THNSL2: variants seen among roughly 807,000 people sequenced by gnomAD.
THNSL2 encodes the protein threonine synthase-like 2.
Under a neutral mutation model 40.0 loss-of-function variants are expected in THNSL2, and 34 were observed. The observed-to-expected ratio is 0.85, with a 90% confidence interval of 0.65 to 1.13. The LOEUF (loss-of-function observed/expected upper bound fraction) is 1.13, where lower values mean the gene tolerates loss of function less well. THNSL2 is among the 50% of genes most tolerant of loss of function. THNSL2 has a pLI of 0.00. For missense variants in THNSL2, 537 were observed against 608.8 expected, an observed-to-expected ratio of 0.88 and a Z score of 1.24; for synonymous variants, 241 against 247.5, an observed-to-expected ratio of 0.97 and a Z score of 0.25.
In THNSL2 at chr2:88,179,018, G is replaced by C. The variant is rs770026083; in HGVS notation, c.802+5G>C. 1.4e-5 allele frequency: 22 copies of C among 1,614,080 alleles called. 1 individual carries two copies. In the South Asian group the frequency reaches 2.4e-4, roughly 18 times the overall value. ...GGGCTGCCGGTAACCTTGCAGGTAAGGAATCCCCGGGGCACAAATGGGCTT... is the reference window on the plus strand; with the variant it reads ...GGGCTGCCGGTAACCTTGCAGGTAACGAATCCCCGGGGCACAAATGGGCTT... On this transcript the variant is annotated splice_donor_5th_base_variant and intron_variant, in intron 5 of 8. Coordinates refer to ENST00000674334, the MANE Select transcript of THNSL2 (RefSeq NM_018271.5).
chr2:88,175,390 A>G lies in THNSL2; in HGVS notation c.560A>G (p.His187Arg), dbSNP rs1039692373. The stretch of plus-strand genomic sequence containing the variant: ...ACAACGGTGCTGAAGCAGAACGTAC[A>G]TGTGTTTGGAGGTGTGTGCTGAGGC... ...QMTTVLKQNV[H>R]VFGVEGNSDE... is the part of the protein sequence containing the mutation. Residue 187 changes from histidine (H) to arginine (R), a missense_variant, in exon 4 of 9, where the codon CAT becomes CGT. Transcript: ENST00000674334. 1.9e-6 allele frequency: 3 copies of G among 1,614,136 alleles called. No individual in the cohort carries two copies. The highest frequency in any genetic ancestry group is 2.5e-6 in the Non-Finnish European group (3 of 1,180,024).
chr2:88,182,950 G>A lies in THNSL2; in HGVS notation c.954G>A (p.Val318=), dbSNP rs1421063738. Residue 318 remains valine, a splice_region_variant and synonymous_variant, in exon 7 of 9, where the codon GTG becomes GTA. Transcript: ENST00000674334. ...CCTGAAACTGACTTTCTGCTCAGGT[G>A]CCCTACAACATGGAGAGGGTGTTCT... is the stretch of plus-strand genomic sequence containing the variant. ...STLASAMDIQ[V]PYNMERVFWL... 2.5e-6 allele frequency: 4 copies of A among 1,614,036 alleles called. No homozygotes were observed. The highest frequency in any genetic ancestry group is 1.3e-5 in the African/African-American group (1 of 74,912).
chr2:88,179,138 G>A, intron 5 of THNSL2, 125 bp downstream of exon 5: 1 of 990,436 alleles, frequency 1.0e-6, no homozygotes, highest in Non-Finnish European at 1.5e-6. Flanking sequence ...GAAGGTGATG[G>A]GAAACCCCAC....
intron 5 of THNSL2, 86 bp from the exon 6 acceptor site, chr2:88,182,613 T>G (rs1044503238): frequency 1.4e-5 from 19 of 1,398,698 alleles, no homozygotes; most frequent in Non-Finnish European, 1.8e-5. Flanking sequence ...CACAAAAGTT[T>G]CTTAATTTTG....
At chr2:88,173,633 A>G (rs970115734) in intron 2 of THNSL2, among the ~76,000 whole-genome samples, 2 of 151,976 alleles carry the variant, frequency 1.3e-5, no homozygotes, top group Admixed American at 1.3e-4. Context: ...TTTAAAAAAA[A>G]AAAAACAAAA....
chr2:88,180,414 A>G (rs1158764416), intron 5 of THNSL2, among the ~76,000 whole-genome samples: 1 of 152,198 alleles, frequency 6.6e-6, no homozygotes, highest in Non-Finnish European at 1.5e-5. Context: ...TCTACTAAAA[A>G]TACAAAAATT....
intron 1 of THNSL2, chr2:88,171,478 T>C: frequency 5.3e-6 from 2 of 376,586 alleles, no homozygotes; most frequent in Admixed American, 6.0e-5. Flanking sequence ...TCGCTGTACC[T>C]TACTGCCTTG....
At chr2:88,185,267 T>G in intron 7 of THNSL2, 61 bp from the exon 8 acceptor site, 1 of 1,536,070 alleles carries the variant, frequency 6.5e-7, no homozygotes, top group Non-Finnish European at 8.8e-7. Context: ...AGAGTGGGGT[T>G]TTGTCATCTT....
rs191344078 is a variant in THNSL2 at position 88,171,363 on chromosome 2, C to A, written c.-13+907C>A. 34 of 456,188 alleles carry A rather than the reference C, an allele frequency of 7.5e-5. No homozygotes were observed. In the Middle Eastern group the frequency reaches 1.0e-3, roughly 14 times the overall value. 28.3% of individuals were successfully genotyped at this position (456,188 alleles called of 1,614,324 possible). On this transcript the variant is annotated intron_variant, in intron 1 of 8. Coordinates refer to ENST00000674334, the MANE Select transcript of THNSL2 (RefSeq NM_018271.5). ...GACCTGCTCAGAGCCCCGTGCCAGC[C>A]CCTCTGTCCTCTGTTCCTGGACAGT...
Position 88,186,172 on chromosome 2 carries a change from C to A in THNSL2, c.*49C>A. On this transcript the variant is annotated 3_prime_UTR_variant, in exon 9 of 9. Coordinates refer to ENST00000674334, the MANE Select transcript of THNSL2 (RefSeq NM_018271.5). ...AGGCTTCAGATCCCAGGAAGATGCA[C>A]CTTCTGAGCTGCCTTGTGCACCCTC... The A allele has an allele frequency of 6.6e-7, 1 of 1,521,128 alleles. No individual in the cohort carries two copies. The highest frequency in any genetic ancestry group is 8.9e-7 in the Non-Finnish European group (1 of 1,119,728). 94.2% of individuals were successfully genotyped at this position (1,521,128 alleles called of 1,614,324 possible). A position where few individuals can be genotyped will look rare whatever the true frequency, so the allele number is the denominator to read the frequency against.
In THNSL2 at chr2:88,186,362, A is replaced by G. The variant is rs1419901426; in HGVS notation, c.*239A>G. 2 of 553,888 alleles carry G rather than the reference A, an allele frequency of 3.6e-6. No individual in the cohort carries two copies. Among genetic ancestry groups the G allele is most frequent in the East Asian group, 6.3e-5 (2 of 31,924 alleles). The allele number at this position is 553,888 out of a possible 1,614,324, so 34.3% of individuals were successfully genotyped here. On this transcript the variant is annotated 3_prime_UTR_variant, in exon 9 of 9. Coordinates refer to ENST00000674334, the MANE Select transcript of THNSL2 (RefSeq NM_018271.5). ...CACCCCCTCCCTCCCCGGCCCGTGC[A>G]GCAGTGTCTGAGCTGTAGTGAAAGT...
At chr2:88,185,793 C>A (rs1037542954) in intron 8 of THNSL2, 105 bp from the exon 9 acceptor site, 1 of 1,538,324 alleles carries the variant, frequency 6.5e-7, no homozygotes, top group East Asian at 2.5e-5. Context: ...CCATACCCCC[C>A]CATCCCTAAA....
chr2:88,186,353 G>T lies in THNSL2; in HGVS notation c.*230G>T. On this transcript the variant is annotated 3_prime_UTR_variant, in exon 9 of 9. Coordinates refer to ENST00000674334, the MANE Select transcript of THNSL2 (RefSeq NM_018271.5). ...TGCCGGAAGCACCCCCTCCCTCCCC[G>T]GCCCGTGCAGCAGTGTCTGAGCTGT... The T allele has an allele frequency of 3.5e-6, 2 of 567,388 alleles. No individual in the cohort carries two copies. Among genetic ancestry groups the T allele is most frequent in the Non-Finnish European group, 6.3e-6 (2 of 316,760 alleles). The allele number at this position is 567,388 out of a possible 1,614,324, so 35.1% of individuals were successfully genotyped here.
chr2:88,174,824 G>C lies in THNSL2; in HGVS notation c.409G>C (p.Val137Leu). 6.2e-7 allele frequency: 1 copy of C among 1,613,828 alleles called. No homozygotes were observed. The highest frequency in any genetic ancestry group is 8.5e-7 in the Non-Finnish European group (1 of 1,179,738). Residue 137 changes from valine to leucine, a missense_variant, in exon 3 of 9, where the codon GTG (valine) becomes CTG (leucine). By Grantham distance (32) the Val-to-Leu change is conservative. Coordinates refer to ENST00000674334, the MANE Select transcript of THNSL2 (RefSeq NM_018271.5). ...GGAGAAGAGGGAGAAGCACGTCACTGTGGTTGTAGGTGTGTTTTTGGGGCA... is the reference window on the plus strand; with the variant it reads ...GGAGAAGAGGGAGAAGCACGTCACTCTGGTTGTAGGTGTGTTTTTGGGGCA... ...FLEKREKHVT[V>L]VVGTSGDTGS...
intron 4 of THNSL2, among the ~76,000 whole-genome samples, chr2:88,177,361 G>A (rs1304309295): frequency 2.6e-5 from 4 of 152,134 alleles, no homozygotes; most frequent in Admixed American, 2.6e-4. Flanking sequence ...GAGTAGGGAT[G>A]GACCACTTAG....
At chr2:88,176,615 T>A (rs938216495) in intron 4 of THNSL2, 1 of 152,228 alleles carries the variant, frequency 6.6e-6, no homozygotes, top group South Asian at 2.1e-4. Context: ...TATTTTTGTA[T>A]AACATCAGCT....
intron 3 of THNSL2, 128 bp from the exon 4 acceptor site, chr2:88,175,121 A>G (rs1676774783): frequency 9.4e-7 from 1 of 1,066,914 alleles, no homozygotes; most frequent in Middle Eastern, 3.0e-4. Context: ...GTGGAGTGCT[A>G]GGTTCATATC....
Position 88,186,081 on chromosome 2 carries a change from T to C in THNSL2, c.1413T>C (p.Leu471=), listed in dbSNP as rs1678266665. 6.4e-7 allele frequency: 1 copy of C among 1,568,324 alleles called. No homozygotes were observed. The highest frequency in any genetic ancestry group is 1.9e-5 in the Admixed American group (1 of 52,608). Residue 471 remains leucine, a synonymous_variant, in exon 9 of 9, where the codon CTT becomes CTC. Coordinates refer to ENST00000674334, the MANE Select transcript of THNSL2 (RefSeq NM_018271.5). The stretch of plus-strand genomic sequence containing the variant: ...TGCTTCGGGACACCATTGAGGACCT[T>C]AGCCGACAGTGGAGGAGTCATGCCC... ...MLMLRDTIED[L]SRQWRSHALN...
At chr2:88,180,732 G>A (rs1372107076) in intron 5 of THNSL2, among the ~76,000 whole-genome samples, 1 of 152,166 alleles carries the variant, frequency 6.6e-6, no homozygotes, top group African/African-American at 2.4e-5. Flanking sequence ...ACACCTCTTA[G>A]GGAGAGGAAT....
Sources: gnomAD v4.1 joint callset for allele counts (sites outside exome capture counted in the v4.1 genomes callset) on GRCh38, gnomAD v4.1.1 for gene constraint, MANE v1.5 for transcripts, NCBI Gene and HGNC (gene_info 2026-07-23, HGNC 2026-07-21) for gene names.